The following GDA variants were observed in gnomAD, a reference collection of about 807,000 sequenced individuals.
GDA encodes cytoplasmic PSD-95 interactor.
In GDA, 18 loss-of-function variants were observed where a neutral mutation model predicts 59.6. That is an observed-to-expected ratio of 0.30 (90% CI 0.21 to 0.45). The LOEUF (loss-of-function observed/expected upper bound fraction) is 0.45, where lower values mean the gene tolerates loss of function less well. Among genes scored for constraint, GDA ranks in the 20% least tolerant of loss-of-function variants. GDA has a pLI of 1.00. For synonymous variants in GDA, 201 were observed against 201.1 expected (o/e 1.00, Z 0.00); for missense variants, 427 against 552.3 (o/e 0.77, Z 2.27).
intron 1 of GDA, among the ~76,000 whole-genome samples, chr9:72,136,398 T>TG (rs1188962521): frequency 6.6e-6 from 1 of 152,242 alleles, no homozygotes; most frequent in Non-Finnish European, 1.5e-5. Flanking sequence ...TATTGCTTAA[T>TG]GCAGTGCCTG....
At chr9:72,146,767 C>CA (rs1057334302), upstream of GDA, among the ~76,000 whole-genome samples, 2 of 152,220 alleles carry the variant, frequency 1.3e-5, no homozygotes. Flanking sequence ...GCTGGGATTA[C>CA]AGTCATGAGC....
intron 1 of GDA, 144 bp from the exon 2 acceptor site, chr9:72,195,352 TTTTG>T: frequency 3.5e-6 from 1 of 289,342 alleles, no homozygotes; most frequent in Middle Eastern, 1.0e-3. Flanking sequence ...TTTTTTTTTT[TTTTG>T]CCTCTAAACT....
At position 72,249,185 on chromosome 9, in the gene GDA, C is replaced by T; in HGVS notation, c.*843C>T. 6.1e-6 allele frequency: 6 copies of T among 983,962 alleles called. No homozygotes were observed. Among genetic ancestry groups the T allele is most frequent in the Non-Finnish European group, 7.2e-6 (6 of 828,604 alleles). 61.0% of individuals were successfully genotyped at this position (983,962 alleles called of 1,614,324 possible). A position where few individuals can be genotyped will look rare whatever the true frequency, so the allele number is the denominator to read the frequency against. ...CATTTTATTAGAAGAGAAACAAATT[C>T]CATGCTTTATGGAATTTATGTAGAC... On this transcript the variant is annotated 3_prime_UTR_variant, in exon 14 of 14. Transcript: ENST00000358399.
At chr9:72,203,673 G>C (rs1022488068) in intron 3 of GDA, among the ~76,000 whole-genome samples, 2 of 152,134 alleles carry the variant, frequency 1.3e-5, no homozygotes, top group African/African-American at 4.8e-5. Context: ...ATTTTTGTGG[G>C]ACCCATTGAT....
intron 1 of GDA, among the ~76,000 whole-genome samples, chr9:72,143,334 G>C (rs2130659262): frequency 6.6e-6 from 1 of 151,492 alleles, no homozygotes; most frequent in South Asian, 2.1e-4. Flanking sequence ...TCTCCATGTT[G>C]GCCAGCCTGG....
At chr9:72,259,023 ACT>A (rs762795553), downstream of GDA, among the ~76,000 whole-genome samples, 2 of 142,434 alleles carry the variant, frequency 1.4e-5, no homozygotes, top group South Asian at 2.3e-4. Flanking sequence ...ACAAATAATA[ACT>A]CTTTTTTTTT....
intron 1 of GDA, among the ~76,000 whole-genome samples, chr9:72,124,114 G>C (rs943553446): frequency 2.0e-5 from 3 of 152,118 alleles, no homozygotes; most frequent in African/African-American, 7.2e-5. Context: ...CTAGCAACAG[G>C]AAAAAAGAAG....
chr9:72,199,114 G>A (rs760195121), intron 2 of GDA, among the ~76,000 whole-genome samples: 5 of 152,040 alleles, frequency 3.3e-5, no homozygotes, highest in East Asian at 1.9e-4. Flanking sequence ...GTGGAGAACC[G>A]AGTTTGAATC....
chr9:72,256,014 G>C (rs1465948909), downstream of GDA, among the ~76,000 whole-genome samples: 1 of 152,076 alleles, frequency 6.6e-6, no homozygotes, highest in African/African-American at 2.4e-5. Flanking sequence ...TAGTACTGTA[G>C]ACCATTTAAC....
intron 1 of GDA, among the ~76,000 whole-genome samples, chr9:72,194,657 AG>A (rs1383593264): frequency 6.6e-6 from 1 of 151,968 alleles, no homozygotes; most frequent in Admixed American, 6.6e-5. Flanking sequence ...TTCCCGGCCC[AG>A]TCTATTGTCT....
chr9:72,135,416 A>G (rs1291913505), intron 1 of GDA, among the ~76,000 whole-genome samples: 1 of 152,200 alleles, frequency 6.6e-6, no homozygotes, highest in Non-Finnish European at 1.5e-5. Flanking sequence ...ATGCTGAGAA[A>G]GTGGGATTTA....
rs1006833881 is a variant in GDA at position 72,250,946 on chromosome 9, G to A, written c.*2604G>A. On this transcript the variant is annotated 3_prime_UTR_variant, in exon 14 of 14. Transcript: ENST00000358399. ...GCTAAGGTAAATTTCATTTTCAAAC[G>A]AGAGGGAAACATGGGAAGTAAAAGA... 10 of 883,524 alleles carry A rather than the reference G, an allele frequency of 1.1e-5. No individual in the cohort carries two copies. The highest frequency in any genetic ancestry group is 2.3e-4 in the Middle Eastern group (1 of 4,428). The allele number at this position is 883,524 out of a possible 1,614,324, so 54.7% of individuals were successfully genotyped here. A position where few individuals can be genotyped will look rare whatever the true frequency, so the allele number is the denominator to read the frequency against.
intron 11 of GDA, among the ~76,000 whole-genome samples, chr9:72,244,379 T>G (rs920593657): frequency 1.3e-5 from 2 of 152,174 alleles, no homozygotes; most frequent in African/African-American, 2.4e-5. Context: ...AGAGATGTTC[T>G]TCCTTGATAT....
chr9:72,249,102 A>G lies in GDA; in HGVS notation c.*760A>G. 1 of 976,416 alleles carries G rather than the reference A, an allele frequency of 1.0e-6. No individual in the cohort carries two copies. Among genetic ancestry groups the G allele is most frequent in the East Asian group, 1.1e-4 (1 of 8,774 alleles). The allele number at this position is 976,416 out of a possible 1,614,324, so 60.5% of individuals were successfully genotyped here. A position where few individuals can be genotyped will look rare whatever the true frequency, so the allele number is the denominator to read the frequency against. On this transcript the variant is annotated 3_prime_UTR_variant, in exon 14 of 14. Coordinates refer to ENST00000358399, the MANE Select transcript of GDA (RefSeq NM_004293.5). The stretch of plus-strand genomic sequence containing the variant: ...TTATTCATGTAACTCCATGGCATAA[A>G]TAGTTGTATTTTTGTGTACTTTAAA...
intron 10 of GDA, among the ~76,000 whole-genome samples, chr9:72,234,456 AG>A (rs1838731831): frequency 6.6e-6 from 1 of 152,224 alleles, no homozygotes; most frequent in South Asian, 2.1e-4. Flanking sequence ...CCAACCCTGT[AG>A]GAAGCTATGA....
Position 72,205,306 on chromosome 9 carries a change from C to G in GDA, c.384+2564C>G, listed in dbSNP as rs889989254. ...GTGGGATGAGCTCAGTGGGAATAAA[C>G]AGTAGTAGCTTTGGGTTTCCTTCCT... On this transcript the variant is annotated intron_variant, in intron 3 of 13. Coordinates refer to ENST00000358399, the MANE Select transcript of GDA (RefSeq NM_004293.5). 2.0e-5 allele frequency among the ~76,000 whole-genome samples: 3 copies of G among 152,134 alleles called. No homozygotes were observed. The South Asian group carries it at 6.2e-4, about 32-fold the overall frequency.
At chr9:72,124,167 G>A (rs1335363978) in intron 1 of GDA, among the ~76,000 whole-genome samples, 1 of 152,152 alleles carries the variant, frequency 6.6e-6, no homozygotes, top group African/African-American at 2.4e-5. Context: ...GCTATATAGT[G>A]GAAACCACCT....
chr9:72,222,809 C>T (rs1837061704), intron 6 of GDA, among the ~76,000 whole-genome samples: 2 of 151,878 alleles, frequency 1.3e-5, no homozygotes, highest in Non-Finnish European at 1.5e-5. Flanking sequence ...TAGGTTCAAG[C>T]AGTTCCCTTG....
chr9:72,158,462 A>G (rs1425155610), intron 1 of GDA, among the ~76,000 whole-genome samples: 1 of 151,914 alleles, frequency 6.6e-6, no homozygotes, highest in Admixed American at 6.6e-5. Flanking sequence ...GTGTGGTGGC[A>G]GGCGCCTATA....
Sources: allele counts gnomAD v4.1 joint callset (sites outside exome capture counted in the v4.1 genomes callset), GRCh38; gene constraint gnomAD v4.1.1; transcripts MANE v1.5; gene names NCBI Gene and HGNC (gene_info 2026-07-23, HGNC 2026-07-21).